Variants in ZP3 observed in about 807,000 individuals in gnomAD.
ZP3 encodes zona pellucida glycoprotein 3.
In ZP3, 21 loss-of-function variants were observed where a neutral mutation model predicts 35.6. The observed-to-expected ratio is 0.59, with a 90% CI of 0.42 to 0.85. The LOEUF is 0.85. Among genes scored for constraint, ZP3 ranks in the 40% least tolerant of loss-of-function variants. The probability of loss-of-function intolerance (pLI) is 0.00; values close to 1 mark genes in which losing one functional copy is unlikely to be tolerated. For missense variants in ZP3, 437 were observed against 536.5 expected (o/e 0.81, Z 1.83); for synonymous variants, 207 against 214.5 (o/e 0.96, Z 0.31).
At chr7:76,407,889 G>A (rs1266486170) in intron 1 of ZP3, among the ~76,000 whole-genome samples, 2 of 152,202 alleles carry the variant, frequency 1.3e-5, no homozygotes, top group African/African-American at 4.8e-5. Context: ...GGACTGGTTG[G>A]TTGGGGAGAG....
At chr7:76,402,675 T>A (rs1804869546) in intron 1 of ZP3, among the ~76,000 whole-genome samples, 1 of 152,116 alleles carries the variant, frequency 6.6e-6, no homozygotes, top group Admixed American at 6.6e-5. Context: ...TTTTTTCTTT[T>A]TTGTTTTTCT....
rs779877543 is a variant in ZP3 at position 76,433,457 on chromosome 7, C to T, written c.536-13C>T. 3.1e-6 allele frequency: 5 copies of T among 1,608,500 alleles called. No individual in the cohort carries two copies. Among genetic ancestry groups the T allele is most frequent in the Middle Eastern group, 3.3e-4 (2 of 5,996 alleles). ...GGCATGAGCCACCATGCCCAGCTGA[C>T]TGTGTCTTTCAGAGAACTGGAACGC... On this transcript the variant is annotated splice_polypyrimidine_tract_variant and intron_variant, in intron 3 of 7. Transcript: ENST00000394857.
exon 1 of ZP3, chr7:76,397,767 T>C: frequency 6.2e-7 from 1 of 1,612,640 alleles, no homozygotes; most frequent in Non-Finnish European, 8.5e-7. Context: ...CACAGGCCAC[T>C]GTGCAGGATC....
upstream of ZP3, among the ~76,000 whole-genome samples, chr7:76,422,970 C>G (rs1186302905): frequency 1.4e-5 from 2 of 145,922 alleles, no homozygotes; most frequent in Non-Finnish European, 3.0e-5. Flanking sequence ...GCACTCCAGC[C>G]TGGGCGACAG....
At chr7:76,402,185 T>A (rs1180932854) in intron 1 of ZP3, among the ~76,000 whole-genome samples, 2 of 148,722 alleles carry the variant, frequency 1.3e-5, no homozygotes, top group Non-Finnish European at 3.0e-5. Flanking sequence ...CCCAGCTATT[T>A]TTTTTTTTTT....
chr7:76,404,530 G>T, intron 1 of ZP3: 3 of 1,597,786 alleles, frequency 1.9e-6, no homozygotes, highest in South Asian at 2.2e-5. Context: ...CCCAAATGTT[G>T]CTGGGCCTCC....
At chr7:76,432,177 C>A (rs1805848585) in intron 2 of ZP3, among the ~76,000 whole-genome samples, 2 of 150,768 alleles carry the variant, frequency 1.3e-5, no homozygotes, top group African/African-American at 4.9e-5. Flanking sequence ...CTATGCCCAG[C>A]TATCTTTTCT....
Position 76,416,945 on chromosome 7 carries a change from CATAT to C in ZP3, c.-66-8081_-66-8078del, listed in dbSNP as rs35169816. 8.7e-3 allele frequency among the ~76,000 whole-genome samples: 634 copies of C among 73,228 alleles called. 5 individuals are homozygous for C. The highest frequency in any genetic ancestry group is 0.02 in the East Asian group (61 of 3,018). 48.0% of individuals were successfully genotyped at this position (73,228 alleles called of 152,430 possible). The stretch of plus-strand genomic sequence containing the variant: ...ATATACACATACATATGTATACATA[CATAT>C]ATATATATATATATATATATATATA... On this transcript the variant is annotated intron_variant, in intron 1 of 8. Transcript: ENST00000336517.
rs146784036 is a variant in ZP3 at position 76,415,849 on chromosome 7, G to A, written c.-66-9203G>A. Among the ~76,000 whole-genome samples, 85 of 151,890 alleles carry A rather than the reference G, an allele frequency of 5.6e-4. 1 individual carries two copies. The highest frequency in any genetic ancestry group is 1.9e-3 in the African/African-American group (77 of 41,478). ...ACTCTATAATAAAAAGCAGGCTAGG[G>A]CTAGCCGCAGTGGCTCATGCCTGTA... is the stretch of plus-strand genomic sequence containing the variant. On this transcript the variant is annotated intron_variant, in intron 1 of 8. Coordinates refer to the ZP3 transcript ENST00000336517.
intron 5 of ZP3, among the ~76,000 whole-genome samples, chr7:76,435,640 C>T (rs190038535): frequency 6.6e-6 from 1 of 152,316 alleles, no homozygotes; most frequent in East Asian, 1.9e-4. Context: ...GGCATGGTGT[C>T]ACATTTTGTA....
At chr7:76,416,987 A>C (rs1805392982) in intron 1 of ZP3, among the ~76,000 whole-genome samples, 1 of 145,916 alleles carries the variant, frequency 6.9e-6, no homozygotes. Context: ...TTGGCATTTA[A>C]TGATGAGGTA....
At position 76,416,885 on chromosome 7, in the gene ZP3, C is replaced by CATATATATACATACATATATACACACAT. The variant is rs1563692790; in HGVS notation, c.-66-8156_-66-8155insTACATATATACACACATATATATATACA. On this transcript the variant is annotated intron_variant, in intron 1 of 8. Transcript: ENST00000336517. ...ATATACACACATATATACACACATA[C>CATATATATACATACATATATACACACAT]ATATATATACACATACATATGTATA... 3.2e-3 allele frequency among the ~76,000 whole-genome samples: 452 copies of CATATATATACATACATATATACACACAT among 139,624 alleles called. 12 individuals carry two copies. Among genetic ancestry groups the CATATATATACATACATATATACACACAT allele is most frequent in the African/African-American group, 0.013 (433 of 33,742 alleles). 91.6% of individuals were successfully genotyped at this position (139,624 alleles called of 152,430 possible). A position where few individuals can be genotyped will look rare whatever the true frequency, so the allele number is the denominator to read the frequency against.
At chr7:76,411,873 G>A (rs1454150732) in intron 1 of ZP3, among the ~76,000 whole-genome samples, 1 of 152,132 alleles carries the variant, frequency 6.6e-6, no homozygotes, top group Non-Finnish European at 1.5e-5. Flanking sequence ...AGTTTTATTT[G>A]TAATAGCCAA....
chr7:76,423,007 A>AGAGAGAG (rs1805544024), upstream of ZP3, among the ~76,000 whole-genome samples: 7 of 76,114 alleles, frequency 9.2e-5, 2 homozygotes, highest in African/African-American at 4.1e-4. Context: ...AAAAGAAAGA[A>AGAGAGAG]AGAGAGAGAG....
chr7:76,411,417 C>A (rs60132164), intron 1 of ZP3, among the ~76,000 whole-genome samples: 3,416 of 152,014 alleles, frequency 0.022, 95 homozygotes, highest in African/African-American at 0.065. Flanking sequence ...AAATTAGAAA[C>A]ATAGCCGGGC....
chr7:76,424,225 C>T (rs930162617), upstream of ZP3, among the ~76,000 whole-genome samples: 13 of 152,202 alleles, frequency 8.5e-5, no homozygotes, highest in Non-Finnish European at 4.4e-5. Context: ...AGGGCAGGGC[C>T]AGCAGGGGAT....
At chr7:76,405,471 C>T (rs1479527998) in intron 1 of ZP3, among the ~76,000 whole-genome samples, 11 of 147,774 alleles carry the variant, frequency 7.4e-5, no homozygotes, top group East Asian at 2.0e-4. Context: ...CGTGAGCCAC[C>T]GTGCCAGCCC....
rs559397174 is a variant in ZP3, at chr7:76,417,656, G to T, written c.-66-7396G>T. On this transcript the variant is annotated intron_variant, in intron 1 of 8. Transcript: ENST00000336517. Reference sequence around the variant, plus strand: ...GACAAGATCTCACTCTTGTCTCCCTGGCTAGAGTGCAGTGGTGTGATCATA... The same window carrying T: ...GACAAGATCTCACTCTTGTCTCCCTTGCTAGAGTGCAGTGGTGTGATCATA... 7.4e-5 allele frequency among the ~76,000 whole-genome samples: 11 copies of T among 147,822 alleles called. No homozygotes were observed. In the South Asian group the frequency reaches 2.4e-3, roughly 32 times the overall value.
intron 1 of ZP3, chr7:76,397,843 G>A: frequency 6.5e-7 from 1 of 1,540,630 alleles, no homozygotes; most frequent in Non-Finnish European, 8.8e-7. Context: ...CTGGGGATGG[G>A]GGCGGGGGTC....
Sources: allele counts gnomAD v4.1 joint callset (sites outside exome capture counted in the v4.1 genomes callset), GRCh38; gene constraint gnomAD v4.1.1; transcripts MANE v1.5; gene names NCBI Gene and HGNC (gene_info 2026-07-23, HGNC 2026-07-21).